C14orf39: variants seen among roughly 807,000 people sequenced by gnomAD.
C14orf39 encodes the protein protein SIX6OS1.
C14orf39 carries 66 observed loss-of-function variants against 85.6 expected under a neutral mutation model. The ratio of observed to expected loss-of-function variants is 0.77; its 90% confidence interval spans 0.63 to 0.95. The LOEUF (loss-of-function observed/expected upper bound fraction) is 0.95, where lower values mean the gene tolerates loss of function less well. Ranked by LOEUF, C14orf39 falls within the 40% of genes least tolerant of loss-of-function variation. The pLI is 0.00. For missense variants in C14orf39, 735 were observed against 663.9 expected, an observed-to-expected ratio of 1.11 and a Z score of -1.18; for synonymous variants, 242 against 214.0, an observed-to-expected ratio of 1.13 and a Z score of -1.14.
chr14:60,439,955 A>G (rs1490003564), intron 17 of C14orf39, among the ~76,000 whole-genome samples: 3 of 152,112 alleles, frequency 2.0e-5, no homozygotes, highest in African/African-American at 7.2e-5. Context: ...GGCGCCTGTA[A>G]TCCCAGCTAC....
intron 4 of C14orf39, 49 bp downstream of exon 4, chr14:60,483,642 A>G: frequency 3.3e-6 from 5 of 1,519,082 alleles, no homozygotes; most frequent in Non-Finnish European, 3.6e-6. Context: ...TAAACTCAAA[A>G]ACCCTAAATA....
At chr14:60,445,903 G>T (rs571022710) in intron 16 of C14orf39, among the ~76,000 whole-genome samples, 3 of 152,268 alleles carry the variant, frequency 2.0e-5, no homozygotes, top group Admixed American at 6.5e-5. Context: ...TCAGGATTAA[G>T]AAACTCACTC....
At chr14:60,487,792 G>A (rs981442282), upstream of C14orf39, among the ~76,000 whole-genome samples, 22 of 152,050 alleles carry the variant, frequency 1.4e-4, no homozygotes, top group Non-Finnish European at 4.4e-5. Context: ...AACACTTGTT[G>A]CCTTTTTTAT....
intron 16 of C14orf39, among the ~76,000 whole-genome samples, chr14:60,445,826 A>C (rs1890739480): frequency 6.6e-6 from 1 of 152,210 alleles, no homozygotes; most frequent in Non-Finnish European, 1.5e-5. Context: ...AACACTCCTC[A>C]GCAAATGTAA....
chr14:60,482,900 G>GTGTGTGTC (rs1555359402), intron 4 of C14orf39, among the ~76,000 whole-genome samples: 1 of 150,554 alleles, frequency 6.6e-6, no homozygotes, highest in Non-Finnish European at 1.5e-5. Flanking sequence ...GTGTGTGTGT[G>GTGTGTGTC]TGTGTGTGTG....
intron 13 of C14orf39, 135 bp from the exon 14 acceptor site, chr14:60,458,874 A>C: frequency 1.7e-6 from 1 of 590,488 alleles, no homozygotes; most frequent in South Asian, 2.4e-5. Context: ...GGTTCAACAT[A>C]ATACATACAG....
At chr14:60,509,189 G>GAGCCC (rs1380615738) in intron 1 of C14orf39, 8 of 590,320 alleles carry the variant, frequency 1.4e-5, no homozygotes, top group Non-Finnish European at 2.4e-5. Context: ...GAGCCGAGCC[G>GAGCCC]AGCCCGAACC....
At position 60,471,550 on chromosome 14, in the gene C14orf39, A is replaced by G; in HGVS notation, c.511+2T>C. On this transcript the variant is annotated splice_donor_variant, in intron 6 of 17. Coordinates refer to ENST00000321731, the MANE Select transcript of C14orf39 (RefSeq NM_174978.3). LOFTEE classifies it high-confidence loss of function. ...AAAACAATATAACAAAAATATTAAT[A>G]CCTCGAAATTTCATAAAAATTGTTT... is the stretch of plus-strand genomic sequence containing the variant. The G allele has an allele frequency of 6.3e-7, 1 of 1,589,422 alleles. No individual in the cohort carries two copies. The highest frequency in any genetic ancestry group is 8.5e-7 in the Non-Finnish European group (1 of 1,170,208).
chr14:60,446,729 T>C (rs375301508), intron 16 of C14orf39, among the ~76,000 whole-genome samples: 2 of 152,302 alleles, frequency 1.3e-5, no homozygotes, highest in South Asian at 2.1e-4. Flanking sequence ...TACCAAAGCC[T>C]GGCAGAGACA....
At chr14:60,474,686 T>G (rs577875050) in intron 5 of C14orf39, among the ~76,000 whole-genome samples, 30 of 152,128 alleles carry the variant, frequency 2.0e-4, no homozygotes, top group African/African-American at 3.1e-4. Flanking sequence ...TGGTTCTGTT[T>G]AGATGCTGGA....
intron 2 of C14orf39, chr14:60,495,743 T>A (rs1893061205): frequency 8.8e-6 from 2 of 228,278 alleles, no homozygotes; most frequent in Non-Finnish European, 1.8e-5. Flanking sequence ...CAAGGAGCTA[T>A]CAGTCCCCAA....
At position 60,509,657 on chromosome 14, in the gene C14orf39, C is replaced by T. The variant is rs767951440; in HGVS notation, c.-144+5738G>A. On this transcript the variant is annotated intron_variant, in intron 1 of 5. Coordinates refer to the C14orf39 transcript ENST00000556799. ...GTTCACCAAGGAGTCGCACGCCAAG[C>T]TGCAGGCGCTGTGGCTTGAAGCACA... The T allele has an allele frequency of 3.1e-6, 5 of 1,613,996 alleles. No individual in the cohort carries two copies. Among genetic ancestry groups the T allele is most frequent in the Non-Finnish European group, 4.2e-6 (5 of 1,180,016 alleles).
chr14:60,461,178 T>C (rs1248170818), intron 13 of C14orf39, among the ~76,000 whole-genome samples, 176 bp downstream of exon 13: 1 of 152,046 alleles, frequency 6.6e-6, no homozygotes, highest in African/African-American at 2.4e-5. Flanking sequence ...GTTTTCCAAA[T>C]ATTCTACAAT....
intron 11 of C14orf39, 53 bp downstream of exon 11, chr14:60,465,926 A>T: frequency 2.2e-6 from 2 of 908,856 alleles, no homozygotes; most frequent in Non-Finnish European, 3.3e-6. Context: ...ATTCATTATT[A>T]CATTTAATGC....
At chr14:60,446,500 A>G (rs754450595) in intron 16 of C14orf39, among the ~76,000 whole-genome samples, 1 of 152,244 alleles carries the variant, frequency 6.6e-6, no homozygotes, top group African/African-American at 2.4e-5. Flanking sequence ...CTAAACCAGG[A>G]AGAAGTTGAA....
chr14:60,480,112 G>C (rs956492928), intron 4 of C14orf39, among the ~76,000 whole-genome samples: 1 of 152,098 alleles, frequency 6.6e-6, no homozygotes, highest in Admixed American at 6.6e-5. Flanking sequence ...ACTCCTGTTA[G>C]AATGGCTGTT....
At chr14:60,482,475 A>G (rs1892684885) in intron 4 of C14orf39, among the ~76,000 whole-genome samples, 1 of 152,196 alleles carries the variant, frequency 6.6e-6, no homozygotes, top group South Asian at 2.1e-4. Context: ...TAATAAGTCA[A>G]TCAATGTGTT....
intron 11 of C14orf39, 146 bp from the exon 12 acceptor site, chr14:60,461,739 A>C: frequency 2.0e-6 from 1 of 500,926 alleles, no homozygotes. Context: ...AACTACACAC[A>C]TTAACTGAAA....
rs182372426 is a variant in C14orf39 at position 60,491,248 on chromosome 14, T to C, written c.-8-6162A>G. Among the ~76,000 whole-genome samples the C allele has an allele frequency of 7.0e-4, 107 of 152,314 alleles. No homozygotes were observed. The highest frequency in any genetic ancestry group is 2.5e-3 in the African/African-American group (102 of 41,558). The stretch of plus-strand genomic sequence containing the variant: ...AGGCACTGGCAGATTCAGTGTCTGG[T>C]AAGGGCACACTCTTTGCTTCCAAAA... On this transcript the variant is annotated intron_variant, in intron 2 of 5. Transcript: ENST00000556799. This position sits in a 1 kb window ranked among gnomAD's most constrained non-coding sequence, Gnocchi z 4.5.
Sources: gnomAD v4.1 joint callset for allele counts (sites outside exome capture counted in the v4.1 genomes callset) on GRCh38, gnomAD v4.1.1 for gene constraint, Gnocchi (gnomAD v3.1) non-coding constraint, MANE v1.5 for transcripts, NCBI Gene and HGNC (gene_info 2026-07-23, HGNC 2026-07-21) for gene names.